Variants in CBR4 observed in about 807,000 individuals in gnomAD.
CBR4 encodes carbonyl reductase 4.
Under a neutral mutation model 21.0 loss-of-function variants are expected in CBR4, and 22 were observed. The observed-to-expected ratio is 1.05, with a 90% CI of 0.75 to 1.50. The LOEUF is 1.50. Among genes scored for constraint, CBR4 ranks in the 40% most tolerant of loss-of-function variants. The pLI, the probability that CBR4 is intolerant of heterozygous loss-of-function variation, is 0.00. For missense variants in CBR4, 302 were observed against 286.3 expected (o/e 1.05, Z -0.40); for synonymous variants, 100 against 104.4 (o/e 0.96, Z 0.26).
intron 2 of CBR4, among the ~76,000 whole-genome samples, chr4:168,952,747 C>T (rs1195612896): frequency 6.6e-6 from 1 of 152,186 alleles, no homozygotes; most frequent in Non-Finnish European, 1.5e-5. Context: ...GGGTTGTCTG[C>T]ACGAGTCCTG....
At chr4:168,904,566 A>G (rs141940358) in intron 2 of CBR4, among the ~76,000 whole-genome samples, 11 of 152,288 alleles carry the variant, frequency 7.2e-5, no homozygotes, top group Admixed American at 1.3e-4. Context: ...TATGCTGGAT[A>G]TAGGGGATAC....
chr4:169,010,173 T>TA lies in CBR4; in HGVS notation c.-85_-84insT. 1.2e-6 allele frequency: 1 copy of TA among 845,064 alleles called. No homozygotes were observed. The highest frequency in any genetic ancestry group is 1.5e-6 in the Non-Finnish European group (1 of 672,564). 52.3% of individuals were successfully genotyped at this position (845,064 alleles called of 1,614,324 possible). A position where few individuals can be genotyped will look rare whatever the true frequency, so the allele number is the denominator to read the frequency against. On this transcript the variant is annotated 5_prime_UTR_variant, in exon 1 of 5. Coordinates refer to ENST00000306193, the MANE Select transcript of CBR4 (RefSeq NM_032783.5). ...CCTCAGGCTTTTAAACAACCGCGGT[T>TA]CCAAAAAAAAAAAAAAGAAAAAAAA...
intron 2 of CBR4, among the ~76,000 whole-genome samples, chr4:168,952,126 C>A (rs1217920354): frequency 1.3e-5 from 2 of 152,034 alleles, no homozygotes; most frequent in Non-Finnish European, 2.9e-5. Flanking sequence ...ATTCTTTTTT[C>A]TTTGTCTTTG....
At chr4:168,984,026 C>T (rs562202775), downstream of CBR4, among the ~76,000 whole-genome samples, 208 of 152,220 alleles carry the variant, frequency 1.4e-3, no homozygotes, top group African/African-American at 4.5e-3. Context: ...CTCACCACTC[C>T]TATTCAACAT....
chr4:168,932,393 CAA>C (rs370888266), intron 2 of CBR4, among the ~76,000 whole-genome samples: 1 of 138,586 alleles, frequency 7.2e-6, no homozygotes, highest in African/African-American at 2.7e-5. Flanking sequence ...CTCATGCAGA[CAA>C]AAAAAAAAGA....
chr4:168,944,023 C>G (rs1183023428), intron 2 of CBR4, among the ~76,000 whole-genome samples: 1 of 152,142 alleles, frequency 6.6e-6, no homozygotes, highest in Non-Finnish European at 1.5e-5. Context: ...TTCAAGCAAT[C>G]AAAGGCTAAT....
At chr4:168,986,347 T>C (rs1764691753), downstream of CBR4, among the ~76,000 whole-genome samples, 1 of 152,216 alleles carries the variant, frequency 6.6e-6, no homozygotes, top group Non-Finnish European at 1.5e-5. Context: ...CTAACTTTAG[T>C]TCAACAATCC....
intron 2 of CBR4, among the ~76,000 whole-genome samples, chr4:168,934,412 T>C (rs1042175869): frequency 6.6e-6 from 1 of 151,612 alleles, no homozygotes; most frequent in African/African-American, 2.4e-5. Context: ...AGTTGGTTTT[T>C]TGAAAAAATA....
intron 2 of CBR4, among the ~76,000 whole-genome samples, chr4:168,934,748 TAAAAAAGAAAGAAAAA>T (rs1245859651): frequency 5.9e-5 from 9 of 151,640 alleles, no homozygotes; most frequent in African/African-American, 2.2e-4. Context: ...TACCAAACAT[TAAAAAAGAAAGAAAAA>T]AAACTGCCAA....
chr4:168,954,843 C>G (rs1308961374), intron 2 of CBR4, among the ~76,000 whole-genome samples: 3 of 152,030 alleles, frequency 2.0e-5, no homozygotes, highest in Non-Finnish European at 4.4e-5. Flanking sequence ...AACAATCAGT[C>G]AAGATTGGAA....
chr4:168,944,257 C>T (rs1763342535), intron 2 of CBR4, among the ~76,000 whole-genome samples: 1 of 151,796 alleles, frequency 6.6e-6, no homozygotes, highest in African/African-American at 2.4e-5. Flanking sequence ...CCAGCTTAGG[C>T]AATGTAGTGA....
intron 3 of CBR4, among the ~76,000 whole-genome samples, chr4:169,006,236 T>A (rs888674412): frequency 1.9e-4 from 29 of 152,102 alleles, no homozygotes; most frequent in African/African-American, 6.8e-4. Context: ...GGTTCCTGGC[T>A]GGGCACGTGG....
At chr4:168,909,397 G>T (rs902206581) in intron 2 of CBR4, among the ~76,000 whole-genome samples, 3 of 152,120 alleles carry the variant, frequency 2.0e-5, no homozygotes, top group Non-Finnish European at 4.4e-5. Context: ...CTTGCACAAG[G>T]TATGAAATAA....
rs1581992676 is a variant in CBR4, at chr4:168,898,252, A to C, written n.170-3487T>G. The C allele has an allele frequency of 7.3e-6, 4 of 545,074 alleles. No homozygotes were observed. The East Asian group carries it at 1.3e-4, about 17-fold the overall frequency. The allele number at this position is 545,074 out of a possible 1,614,324, so 33.8% of individuals were successfully genotyped here. On this transcript the variant is annotated intron_variant and non_coding_transcript_variant, in intron 2 of 3. Transcript: ENST00000509108. ...GCCTCAGAGAAAAGAAGGAAAAAAAAATTCATCTTTCCTACCCCCCTCTTT... is the reference window on the plus strand; with the variant it reads ...GCCTCAGAGAAAAGAAGGAAAAAAACATTCATCTTTCCTACCCCCCTCTTT...
At chr4:168,942,983 A>T (rs1395542443) in intron 2 of CBR4, among the ~76,000 whole-genome samples, 1 of 152,206 alleles carries the variant, frequency 6.6e-6, no homozygotes, top group Non-Finnish European at 1.5e-5. Context: ...TTCTGCCAAG[A>T]AGGTAGAGAA....
chr4:168,972,808 CTG>C (rs1454077833), intron 2 of CBR4, among the ~76,000 whole-genome samples: 4 of 152,156 alleles, frequency 2.6e-5, no homozygotes, highest in Non-Finnish European at 5.9e-5. Context: ...ACTCCTAGTA[CTG>C]TGTTGAATAG....
At chr4:168,942,076 C>T (rs1763279784) in intron 2 of CBR4, among the ~76,000 whole-genome samples, 1 of 152,078 alleles carries the variant, frequency 6.6e-6, no homozygotes, top group Non-Finnish European at 1.5e-5. Context: ...AGTTCATGTC[C>T]TTTGCAGGGA....
At chr4:168,964,372 AGCAAG>A (rs1334903601) in intron 2 of CBR4, among the ~76,000 whole-genome samples, 1 of 152,250 alleles carries the variant, frequency 6.6e-6, no homozygotes, top group Non-Finnish European at 1.5e-5. Context: ...CCAGACACAG[AGCAAG>A]GCAAGGAAAA....
chr4:169,006,689 T>C, intron 3 of CBR4, 66 bp downstream of exon 3: 1 of 1,350,090 alleles, frequency 7.4e-7, no homozygotes. Context: ...CACAAATTCG[T>C]GGATTAAATA....
Sources: allele counts gnomAD v4.1 joint callset (sites outside exome capture counted in the v4.1 genomes callset), GRCh38; gene constraint gnomAD v4.1.1; transcripts MANE v1.5; gene names NCBI Gene and HGNC (gene_info 2026-07-23, HGNC 2026-07-21).